HS3ST4: variants seen among roughly 807,000 people sequenced by gnomAD.
HS3ST4 encodes heparan sulfate glucosamine 3-O-sulfotransferase 4.
In HS3ST4, 17 loss-of-function variants were observed where a neutral mutation model predicts 29.2. The observed-to-expected ratio is 0.58, with a 90% CI of 0.40 to 0.87. The LOEUF (loss-of-function observed/expected upper bound fraction) is 0.87, where lower values mean the gene tolerates loss of function less well. Ranked by LOEUF, HS3ST4 falls within the 40% of genes least tolerant of loss-of-function variation. HS3ST4 has a pLI of 0.00. For missense variants in HS3ST4, 627 were observed against 634.5 expected (o/e 0.99, Z 0.13); for synonymous variants, 314 against 285.7 (o/e 1.10, Z -1.00).
At chr16:26,077,228 A>G (rs1898672858) in intron 1 of HS3ST4, among the ~76,000 whole-genome samples, 1 of 152,208 alleles carries the variant, frequency 6.6e-6, no homozygotes, top group Non-Finnish European at 1.5e-5. Flanking sequence ...AAGGCCATTT[A>G]GGGCCCAGGG....
chr16:25,949,519 A>G (rs1204457959), intron 1 of HS3ST4, among the ~76,000 whole-genome samples: 1 of 152,184 alleles, frequency 6.6e-6, no homozygotes, highest in Non-Finnish European at 1.5e-5. Context: ...AGAGCTGGAC[A>G]GAGGCTGAAG....
chr16:26,048,727 G>T (rs1158938405), intron 1 of HS3ST4, among the ~76,000 whole-genome samples: 1 of 152,106 alleles, frequency 6.6e-6, no homozygotes, highest in East Asian at 1.9e-4. Context: ...CAGCTACTTG[G>T]GAAGCTGAGG....
At chr16:25,839,812 T>G (rs1567252275) in intron 1 of HS3ST4, among the ~76,000 whole-genome samples, 1 of 152,208 alleles carries the variant, frequency 6.6e-6, no homozygotes, top group East Asian at 1.9e-4. Flanking sequence ...ATTTTATTGT[T>G]GAAGTGATGA....
intron 1 of HS3ST4, among the ~76,000 whole-genome samples, chr16:25,873,301 TCCATCCATCCATCCATCCATCC>T (rs1967777575): frequency 9.0e-6 from 1 of 111,632 alleles, no homozygotes; most frequent in African/African-American, 3.5e-5. Flanking sequence ...CATCCATCCA[TCCATCCATCCATCCATCCATCC>T]TTCCTTCCTT....
At chr16:25,772,884 TGGCAGGGTA>T (rs1218023562) in intron 1 of HS3ST4, among the ~76,000 whole-genome samples, 1 of 152,154 alleles carries the variant, frequency 6.6e-6, no homozygotes, top group Admixed American at 6.5e-5. Flanking sequence ...GAAACGGCCA[TGGCAGGGTA>T]GGTGCTGGAC....
chr16:26,039,221 A>T (rs1969611581), intron 1 of HS3ST4, among the ~76,000 whole-genome samples: 1 of 152,222 alleles, frequency 6.6e-6, no homozygotes, highest in African/African-American at 2.4e-5. Flanking sequence ...ACATGAATAC[A>T]TTCACATTAT....
chr16:26,036,722 A>C (rs896511187), intron 1 of HS3ST4, among the ~76,000 whole-genome samples: 3 of 152,214 alleles, frequency 2.0e-5, no homozygotes, highest in Admixed American at 6.5e-5. Context: ...TGCAGACTGA[A>C]GTTCAGGTGC....
chr16:26,012,839 AG>A (rs1969323185), intron 1 of HS3ST4, among the ~76,000 whole-genome samples: 1 of 152,148 alleles, frequency 6.6e-6, no homozygotes, highest in African/African-American at 2.4e-5. Context: ...GGTCAGAAAA[AG>A]GGGACTGAAC....
chr16:25,950,210 C>G (rs1409868509), intron 1 of HS3ST4, among the ~76,000 whole-genome samples: 1 of 152,054 alleles, frequency 6.6e-6, no homozygotes, highest in Non-Finnish European at 1.5e-5. Flanking sequence ...GTTAGATGAC[C>G]CATCTGCTCA....
In HS3ST4 at chr16:25,938,182, G is replaced by C. The variant is rs1403707128; in HGVS notation, c.735-197430G>C. Among the ~76,000 whole-genome samples the C allele has an allele frequency of 2.0e-5, 3 of 152,104 alleles. No homozygotes were observed. The East Asian group carries it at 5.8e-4, about 29-fold the overall frequency. On this transcript the variant is annotated intron_variant, in intron 1 of 1. Coordinates refer to ENST00000331351, the MANE Select transcript of HS3ST4 (RefSeq NM_006040.3). ...GCAGTAGTCACCAATCAGGACAGCT[G>C]GGCCCAGCAAGACAAGAAGATCAGA...
chr16:25,870,787 G>A (rs927040446), intron 1 of HS3ST4, among the ~76,000 whole-genome samples: 3 of 152,290 alleles, frequency 2.0e-5, no homozygotes, highest in Admixed American at 1.3e-4. Context: ...AATAGTTCAG[G>A]CAAGAGAGGA....
intron 1 of HS3ST4, among the ~76,000 whole-genome samples, chr16:26,077,702 C>T (rs566962960): frequency 6.6e-6 from 1 of 152,318 alleles, no homozygotes; most frequent in East Asian, 1.9e-4. Flanking sequence ...TGCATGAATG[C>T]AGTCAATACA....
chr16:25,862,065 C>T (rs577839762), intron 1 of HS3ST4, among the ~76,000 whole-genome samples: 1 of 152,128 alleles, frequency 6.6e-6, no homozygotes, highest in South Asian at 2.1e-4. Context: ...TGTTCCGTTC[C>T]ACCTCAAATC....
chr16:25,775,558 C>A (rs973008464), intron 1 of HS3ST4, among the ~76,000 whole-genome samples: 2 of 152,182 alleles, frequency 1.3e-5, no homozygotes, highest in Non-Finnish European at 2.9e-5. Flanking sequence ...TCTGAAAAGT[C>A]ACTCCATCCC....
At chr16:26,114,221 A>G (rs531440015) in intron 1 of HS3ST4, among the ~76,000 whole-genome samples, 1 of 152,340 alleles carries the variant, frequency 6.6e-6, no homozygotes, top group South Asian at 2.1e-4. Flanking sequence ...ACTGAAACCC[A>G]GGGATCCACA....
chr16:25,873,532 A>ATCTTTCTCTCTC, intron 1 of HS3ST4, among the ~76,000 whole-genome samples: 1 of 130,502 alleles, frequency 7.7e-6, no homozygotes, highest in Non-Finnish European at 1.6e-5. Context: ...CTGTCTATCT[A>ATCTTTCTCTCTC]TCTATCTTTC....
chr16:26,111,596 A>G (rs1420475536), intron 1 of HS3ST4, among the ~76,000 whole-genome samples: 1 of 152,236 alleles, frequency 6.6e-6, no homozygotes, highest in Admixed American at 6.5e-5. Flanking sequence ...AGGAGGCCAC[A>G]GGGAACTTTT....
chr16:25,796,615 G>A (rs1966887633), intron 1 of HS3ST4, among the ~76,000 whole-genome samples: 1 of 152,204 alleles, frequency 6.6e-6, no homozygotes, highest in African/African-American at 2.4e-5. Context: ...ATGCAGGGCA[G>A]GTTCTTGGCT....
intron 1 of HS3ST4, among the ~76,000 whole-genome samples, chr16:26,027,136 ATC>A (rs1757097783): frequency 6.6e-6 from 1 of 152,210 alleles, no homozygotes; most frequent in Non-Finnish European, 1.5e-5. Context: ...TTAAAGTAAA[ATC>A]TGTTTCACTT....
Sources: allele counts gnomAD v4.1 joint callset (sites outside exome capture counted in the v4.1 genomes callset), GRCh38; gene constraint gnomAD v4.1.1; transcripts MANE v1.5; gene names NCBI Gene and HGNC (gene_info 2026-07-23, HGNC 2026-07-21).